Variants in WSCD1 observed in about 807,000 individuals in gnomAD.
The protein encoded by WSCD1 is WSC domain sialate O sulfotransferase 1, also known as sialate:O-sulfotransferase 1.
A neutral mutation model predicts 60.4 loss-of-function variants in WSCD1; 41 were observed. The ratio of observed to expected loss-of-function variants is 0.68; its 90% CI spans 0.53 to 0.88. The LOEUF is 0.88. Among genes scored for constraint, WSCD1 ranks in the 40% least tolerant of loss-of-function variants. The pLI is 0.00. For synonymous variants in WSCD1, 361 were observed against 332.5 expected (o/e 1.09, Z -0.93); for missense variants, 784 against 796.2 (o/e 0.98, Z 0.18).
intron 1 of WSCD1, chr17:6,078,199 A>G (rs1908990386): frequency 6.6e-6 from 1 of 152,258 alleles, no homozygotes; most frequent in Admixed American, 6.5e-5. Flanking sequence ...AACAATGATC[A>G]CTGAGCATCC....
rs200065907 is a variant in WSCD1, at chr17:6,120,598, G to A, written c.1665G>A (p.Thr555=). The part of the protein sequence containing the change: ...MKDLINGYIR[T]VDQALRDHNW... The stretch of plus-strand genomic sequence containing the variant: ...ACTTGATCAATGGCTACATCCGGAC[G>A]GTGGACCAAGCCCTGCGTGACCACA... Residue 555 remains threonine (T), a synonymous_variant, in exon 9 of 9, where the codon ACG becomes ACA. Transcript: ENST00000317744. 7.8e-5 allele frequency: 126 copies of A among 1,613,538 alleles called. No homozygotes were observed. Among genetic ancestry groups the A allele is most frequent in the Admixed American group, 2.7e-4 (16 of 60,032 alleles).
intron 5 of WSCD1, 82 bp from the exon 6 acceptor site, chr17:6,109,525 A>C: frequency 6.5e-7 from 1 of 1,544,352 alleles, no homozygotes; most frequent in Non-Finnish European, 8.8e-7. Flanking sequence ...TACATCGTCC[A>C]TGTTCATCCC....
chr17:6,096,380 C>A (rs1014369817), intron 5 of WSCD1, among the ~76,000 whole-genome samples: 8 of 152,216 alleles, frequency 5.3e-5, no homozygotes, highest in African/African-American at 1.4e-4. Flanking sequence ...TGCACCCCCC[C>A]ACTCCCGCTC....
In WSCD1 at chr17:6,075,393, C is replaced by T. The variant is rs1908785339; in HGVS notation, c.-289+4741C>T. ...TTGCAGCCCCCAGCCCCAGGGACTG[C>T]CTCCTCTCCTCTCCCTGCTGCCACC... On this transcript the variant is annotated intron_variant, in intron 1 of 8. Transcript: ENST00000317744. This position sits in a 1 kb window ranked among gnomAD's most constrained non-coding sequence, Gnocchi z 4.1. 3.9e-5 allele frequency among the ~76,000 whole-genome samples: 6 copies of T among 152,154 alleles called. No homozygotes were observed. The South Asian group carries it at 1.2e-3, about 32-fold the overall frequency.
At chr17:6,114,153 T>TA (rs370433776) in intron 7 of WSCD1, among the ~76,000 whole-genome samples, 100,303 of 125,120 alleles carry the variant, frequency 0.8, 40,232 homozygotes, top group East Asian at 0.91. Flanking sequence ...TAGTTAGCCG[T>TA]AAAAAAAAAA....
In WSCD1 at chr17:6,080,709, C is replaced by A; in HGVS notation, c.51C>A (p.Phe17Leu). 6.2e-7 allele frequency: 1 copy of A among 1,613,628 alleles called. No individual in the cohort carries two copies. The highest frequency in any genetic ancestry group is 8.5e-7 in the Non-Finnish European group (1 of 1,179,934). Residue 17 changes from phenylalanine (F) to leucine (L), a missense_variant, in exon 2 of 9, where the codon TTC becomes TTA. Transcript: ENST00000317744. This position sits in a 1 kb window ranked among gnomAD's most constrained non-coding sequence, Gnocchi z 6.6. ...RLQKFLRRTQ[F>L]LLFFLTAAYL... ...AGAAGTTTCTCCGCCGAACACAGTT[C>A]CTGCTGTTCTTCCTCACGGCTGCCT... is the stretch of plus-strand genomic sequence containing the variant.
rs61735453 is a variant in WSCD1 at position 6,120,536 on chromosome 17, T to C, written c.1603T>C (p.Ser535Pro). The C allele has an allele frequency of 4.3e-4, 688 of 1,613,676 alleles. 1 individual carries two copies. The African/African-American group carries it at 7.7e-3, about 18-fold the overall frequency. ...CAGCTTCCGGCGGCGCGGCCGGCGC[T>C]CCCACGACCCTGAGCCCTTCACCCC... ...EGSFRRRGRR[S>P]HDPEPFTPEM... is the part of the protein sequence containing the mutation. The change falls in exon 9 of 9, where the codon TCC becomes CCC. Residue 535 changes from serine (S) to proline (P), a missense_variant. Transcript: ENST00000317744.
rs1373125968 is a variant in WSCD1 at position 6,101,714 on chromosome 17, T to C, written c.849+6491T>C. Among the ~76,000 whole-genome samples, 4 of 152,174 alleles carry C rather than the reference T, an allele frequency of 2.6e-5. No individual in the cohort carries two copies. Among genetic ancestry groups the C allele is most frequent in the Non-Finnish European group, 5.9e-5 (4 of 68,038 alleles). On this transcript the variant is annotated intron_variant, in intron 5 of 8. Coordinates refer to ENST00000317744, the MANE Select transcript of WSCD1 (RefSeq NM_015253.2). The surrounding 1 kb of genome is among the most constrained non-coding windows in gnomAD (Gnocchi z 4.1). ...CTAATTTCCTGTGATCGTATGGAGA[T>C]GGAAAGAGACCTGCTCATTCTCAGT...
Position 6,095,190 on chromosome 17 carries a change from C to T in WSCD1, c.816C>T (p.Thr272=), listed in dbSNP as rs753995970. The T allele has an allele frequency of 7.4e-6, 12 of 1,613,470 alleles. No individual in the cohort carries two copies. Among genetic ancestry groups the T allele is most frequent in the African/African-American group, 4.0e-5 (3 of 74,916 alleles). Residue 272 remains threonine (T), a synonymous_variant, in exon 5 of 9, where the codon ACC becomes ACT. Transcript: ENST00000317744. ...FPSSLIQANV[T]VGTCSGFCSQ... ...GCTCCCTGATACAGGCCAATGTGACCGTGGGGACTTGCTCGGGCTTTTGTT... is the reference window on the plus strand; with the variant it reads ...GCTCCCTGATACAGGCCAATGTGACTGTGGGGACTTGCTCGGGCTTTTGTT...
At chr17:6,109,558 G>A (rs1283632269) in intron 5 of WSCD1, 49 bp from the exon 6 acceptor site, 3 of 1,593,672 alleles carry the variant, frequency 1.9e-6, no homozygotes, top group South Asian at 2.3e-5. Context: ...TGGGAAGCAT[G>A]ACCCTCAAAT....
Position 6,110,065 on chromosome 17 carries a change from A to G in WSCD1, c.1009+299A>G, listed in dbSNP as rs1911322608. On this transcript the variant is annotated intron_variant, in intron 6 of 8. Coordinates refer to ENST00000317744, the MANE Select transcript of WSCD1 (RefSeq NM_015253.2). This position sits in a 1 kb window ranked among gnomAD's most constrained non-coding sequence, Gnocchi z 4.8. ...AGGGGCAGGTCCTAGAGAGATAGCAACAGAAAGGTGGTAGGATTGGGAGGC... is the reference window on the plus strand; with the variant it reads ...AGGGGCAGGTCCTAGAGAGATAGCAGCAGAAAGGTGGTAGGATTGGGAGGC... Among the ~76,000 whole-genome samples, 1 of 152,144 alleles carries G rather than the reference A, an allele frequency of 6.6e-6. No homozygotes were observed. Among genetic ancestry groups the G allele is most frequent in the Non-Finnish European group, 1.5e-5 (1 of 68,018 alleles).
intron 5 of WSCD1, among the ~76,000 whole-genome samples, chr17:6,108,984 A>T (rs1911254433): frequency 6.6e-6 from 1 of 152,226 alleles, no homozygotes; most frequent in Admixed American, 6.5e-5. Flanking sequence ...AGATGACTGT[A>T]TGAGAATCTC....
chr17:6,110,904 C>A lies in WSCD1; in HGVS notation c.1143C>A (p.Ser381Arg). Residue 381 changes from serine to arginine, a missense_variant, in exon 7 of 9, where the codon AGC becomes AGA. By Grantham distance (110) the Ser-to-Arg change is moderately radical. Coordinates refer to ENST00000317744, the MANE Select transcript of WSCD1 (RefSeq NM_015253.2). The surrounding 1 kb of genome is among the most constrained non-coding windows in gnomAD (Gnocchi z 4.8). ...ATGCCACTGGCTTCTATACAGGGAG[C>A]TACTACTTTGATGGAACCCTCTACA... is the stretch of plus-strand genomic sequence containing the variant. ...IEHATGFYTG[S>R]YYFDGTLYNK... 1 of 1,611,050 alleles carries A rather than the reference C, an allele frequency of 6.2e-7. No individual in the cohort carries two copies. Among genetic ancestry groups the A allele is most frequent in the Non-Finnish European group, 8.5e-7 (1 of 1,177,550 alleles).
intron 7 of WSCD1, among the ~76,000 whole-genome samples, chr17:6,117,240 GC>G (rs1376074806): frequency 6.6e-6 from 1 of 152,188 alleles, no homozygotes; most frequent in African/African-American, 2.4e-5. Flanking sequence ...GAAAGAGAGG[GC>G]CCCCGATGGG....
At chr17:6,112,313 T>A (rs1474441472) in intron 7 of WSCD1, among the ~76,000 whole-genome samples, 1 of 152,142 alleles carries the variant, frequency 6.6e-6, no homozygotes, top group Non-Finnish European at 1.5e-5. Context: ...CTCACCACAA[T>A]GAAGGCCATA....
Position 6,072,427 on chromosome 17 carries a change from A to ACC in WSCD1, c.-289+1778_-289+1779dup, listed in dbSNP as rs1185689610. 2.0e-5 allele frequency among the ~76,000 whole-genome samples: 3 copies of ACC among 152,220 alleles called. No homozygotes were observed. In the East Asian group the frequency reaches 5.8e-4, roughly 29 times the overall value. ...TCCAGAGCCTCCAGGCCCTGATGGAACCCCTCCGAGCAGGGCCTCTAGGGA... is the reference window on the plus strand; with the variant it reads ...TCCAGAGCCTCCAGGCCCTGATGGAACCCCCCTCCGAGCAGGGCCTCTAGGGA... On this transcript the variant is annotated intron_variant, in intron 1 of 8. Transcript: ENST00000317744.
chr17:6,074,384 G>A (rs1908720050), intron 1 of WSCD1, among the ~76,000 whole-genome samples: 1 of 152,198 alleles, frequency 6.6e-6, no homozygotes, highest in Admixed American at 6.5e-5. Flanking sequence ...AGTAATGGCA[G>A]CATGGCCCTG....
intron 2 of WSCD1, among the ~76,000 whole-genome samples, chr17:6,087,207 T>C (rs780882709): frequency 6.6e-6 from 1 of 152,204 alleles, no homozygotes; most frequent in Non-Finnish European, 1.5e-5. Flanking sequence ...CCAACTTCTC[T>C]GTGCATCTCT....
At position 6,120,884 on chromosome 17, in the gene WSCD1, C is replaced by A; in HGVS notation, c.*223C>A. The A allele has an allele frequency of 1.7e-6, 1 of 573,464 alleles. No homozygotes were observed. 35.5% of individuals were successfully genotyped at this position (573,464 alleles called of 1,614,324 possible). On this transcript the variant is annotated 3_prime_UTR_variant, in exon 9 of 9. Coordinates refer to ENST00000317744, the MANE Select transcript of WSCD1 (RefSeq NM_015253.2). ...ACCTGGCCACGAACCCACACCTCCT[C>A]AGACACTCAGACACCACTCCAGGCT...
Sources: gnomAD v4.1 joint callset for allele counts (sites outside exome capture counted in the v4.1 genomes callset) on GRCh38, gnomAD v4.1.1 for gene constraint, Gnocchi (gnomAD v3.1) non-coding constraint, MANE v1.5 for transcripts, NCBI Gene and HGNC (gene_info 2026-07-23, HGNC 2026-07-21) for gene names.